CACNA1A: variants seen among roughly 807,000 people sequenced by gnomAD.
The protein encoded by CACNA1A is voltage-dependent P/Q-type calcium channel subunit alpha-1A.
CACNA1A carries 57 observed loss-of-function variants against 262.4 expected under a neutral mutation model. That is an observed-to-expected ratio of 0.22 (90% CI 0.18 to 0.27). CACNA1A has a LOEUF of 0.27. Among genes scored for constraint, CACNA1A ranks in the 10% least tolerant of loss-of-function variants. CACNA1A has a pLI of 1.00. For synonymous variants in CACNA1A, 1,431 were observed against 1,419.3 expected (o/e 1.01, Z -0.18); for missense variants, 2,526 against 3,562.8 (o/e 0.71, Z 7.41).
intron 1 of CACNA1A, among the ~76,000 whole-genome samples, chr19:13,474,779 T>C (rs1012434566): frequency 4.0e-5 from 6 of 149,696 alleles, no homozygotes; most frequent in African/African-American, 1.5e-4. Flanking sequence ...ATCACACCAC[T>C]GCACTCCAGC....
At chr19:13,340,486 G>A (rs1020963108) in intron 6 of CACNA1A, among the ~76,000 whole-genome samples, 10 of 147,564 alleles carry the variant, frequency 6.8e-5, no homozygotes, top group Middle Eastern at 3.6e-3. Flanking sequence ...GAGTGCAATG[G>A]CACTATCTTG....
chr19:13,274,770 C>A (rs1035596779), intron 24 of CACNA1A: 5 of 151,750 alleles, frequency 3.3e-5, no homozygotes, highest in Non-Finnish European at 5.9e-5. Flanking sequence ...TTACCCAGAA[C>A]TAGGGTGCCA....
Position 13,207,100 on chromosome 19 carries a change from G to A in CACNA1A, c.*213C>T. 1 of 435,432 alleles carries A rather than the reference G, an allele frequency of 2.3e-6. No homozygotes were observed. Among genetic ancestry groups the A allele is most frequent in the East Asian group, 4.3e-5 (1 of 23,048 alleles). The allele number at this position is 435,432 out of a possible 1,614,324, so 27.0% of individuals were successfully genotyped here. ...GTGGGGGGATCGGGGCTGGTTGGGG[G>A]GCGCCGTGGCTGCCCAGGAGGGTCT... On this transcript the variant is annotated 3_prime_UTR_variant, in exon 47 of 47. Coordinates refer to ENST00000360228, the MANE Select transcript of CACNA1A (RefSeq NM_001127222.2). This position sits in a 1 kb window ranked among gnomAD's most constrained non-coding sequence, Gnocchi z 5.7.
At chr19:13,307,556 G>T (rs1047024500) in intron 15 of CACNA1A, 3 of 532,002 alleles carry the variant, frequency 5.6e-6, no homozygotes, top group African/African-American at 1.9e-5. Context: ...TTATGGGTGT[G>T]AGCCACCGTG....
In CACNA1A at chr19:13,497,558, ATATATATATATATATAT is replaced by A. The variant is rs1568709947; in HGVS notation, c.293+8357_293+8373del. 6.6e-4 allele frequency among the ~76,000 whole-genome samples: 35 copies of A among 52,976 alleles called. 4 individuals carry two copies. Among genetic ancestry groups the A allele is most frequent in the African/African-American group, 6.8e-4 (9 of 13,178 alleles). 34.8% of individuals were successfully genotyped at this position (52,976 alleles called of 152,430 possible). ...TATATATATATATATATATATATAT[ATATATATATATATATAT>A]ATATAAATTTATGTTGTTAAAGCTG... On this transcript the variant is annotated intron_variant, in intron 1 of 46. Coordinates refer to ENST00000360228, the MANE Select transcript of CACNA1A (RefSeq NM_001127222.2).
At chr19:13,411,346 G>A (rs539191715) in intron 3 of CACNA1A, among the ~76,000 whole-genome samples, 8 of 152,222 alleles carry the variant, frequency 5.3e-5, no homozygotes, top group African/African-American at 1.4e-4. Flanking sequence ...TAATCCCCAC[G>A]TGTCAAGGGC....
chr19:13,298,656 C>T lies in CACNA1A; in HGVS notation c.2977G>A (p.Gly993Ser), dbSNP rs1403218042. The change falls in exon 19 of 47, where the codon GGC (glycine) becomes AGC (serine). Residue 993 changes from glycine (G) to serine (S), a missense_variant. Transcript: ENST00000360228. ...SRPARGGEGE[G>S]EGPDGGERRR... ...CGCTCGCCCCCGTCGGGGCCCTCGC[C>T]CTCGCCCTCGCCGCCCCGGGCCGGC... The T allele has an allele frequency of 6.7e-7, 1 of 1,503,614 alleles. No individual in the cohort carries two copies. The highest frequency in any genetic ancestry group is 8.9e-7 in the Non-Finnish European group (1 of 1,126,970). The allele number at this position is 1,503,614 out of a possible 1,614,324, so 93.1% of individuals were successfully genotyped here. A position where few individuals can be genotyped will look rare whatever the true frequency, so the allele number is the denominator to read the frequency against.
chr19:13,464,746 C>T (rs548790536), intron 1 of CACNA1A, among the ~76,000 whole-genome samples: 1 of 151,418 alleles, frequency 6.6e-6, no homozygotes, highest in Admixed American at 6.6e-5. Context: ...GACGGGGTTT[C>T]ACCGTGTTAG....
At chr19:13,310,342 C>T (rs1392027948) in intron 12 of CACNA1A, among the ~76,000 whole-genome samples, 1 of 148,804 alleles carries the variant, frequency 6.7e-6, no homozygotes, top group African/African-American at 2.5e-5. Context: ...CTAATCCCAG[C>T]TACTTGGGAG....
At chr19:13,248,107 T>C (rs1042702661) in intron 30 of CACNA1A, among the ~76,000 whole-genome samples, 2 of 152,140 alleles carry the variant, frequency 1.3e-5, no homozygotes, top group Non-Finnish European at 2.9e-5. Flanking sequence ...TCTCCCTTAC[T>C]GCCCTGCATC....
At position 13,360,265 on chromosome 19, in the gene CACNA1A, GTATATATA is replaced by G. The variant is rs34849471; in HGVS notation, c.785-474_785-467del. On this transcript the variant is annotated intron_variant, in intron 5 of 46. Transcript: ENST00000360228. The stretch of plus-strand genomic sequence containing the variant: ...ATTAGGTGTCTGTGTGTGTGTGTGT[GTATATATA>G]TATATATATATATGAAGACAGAGGG... 8.5e-3 allele frequency among the ~76,000 whole-genome samples: 1,062 copies of G among 124,218 alleles called. 18 individuals are homozygous for G. The highest frequency in any genetic ancestry group is 0.032 in the African/African-American group (1,012 of 31,850). 81.5% of individuals were successfully genotyped at this position (124,218 alleles called of 152,430 possible). A position where few individuals can be genotyped will look rare whatever the true frequency, so the allele number is the denominator to read the frequency against.
intron 9 of CACNA1A, among the ~76,000 whole-genome samples, chr19:13,332,628 AC>A (rs2058486235): frequency 6.6e-6 from 1 of 152,124 alleles, no homozygotes; most frequent in Non-Finnish European, 1.5e-5. Flanking sequence ...TTTATATCAT[AC>A]CCATTTTGCA....
intron 6 of CACNA1A, among the ~76,000 whole-genome samples, chr19:13,343,274 C>G (rs141466007): frequency 0.013 from 1,963 of 152,068 alleles, 46 homozygotes; most frequent in African/African-American, 0.045. Flanking sequence ...GTGCCCGCCA[C>G]CACACCTAGC....
chr19:13,353,299 G>GTTTTT (rs57554463), intron 6 of CACNA1A, among the ~76,000 whole-genome samples: 1 of 135,082 alleles, frequency 7.4e-6, no homozygotes. Flanking sequence ...TTGTATTTTT[G>GTTTTT]TTTTTTTTTT....
chr19:13,262,440 G>T (rs561306361), intron 25 of CACNA1A: 1 of 292,438 alleles, frequency 3.4e-6, no homozygotes, highest in Non-Finnish European at 6.4e-6. Flanking sequence ...CCCAGATCAC[G>T]GTTATACCCT....
At chr19:13,354,721 T>A (rs1174896558) in intron 6 of CACNA1A, among the ~76,000 whole-genome samples, 2 of 152,192 alleles carry the variant, frequency 1.3e-5, no homozygotes, top group Non-Finnish European at 2.9e-5. Context: ...CAGAATGTGA[T>A]CTTATTTGGA....
At chr19:13,297,041 C>G (rs1165329087) in intron 19 of CACNA1A, among the ~76,000 whole-genome samples, 2 of 152,168 alleles carry the variant, frequency 1.3e-5, no homozygotes, top group African/African-American at 4.8e-5. Flanking sequence ...TTTCAAACTT[C>G]CAAAGAATAG....
intron 17 of CACNA1A, among the ~76,000 whole-genome samples, chr19:13,301,605 G>A (rs935494435): frequency 1.1e-4 from 16 of 152,178 alleles, no homozygotes; most frequent in Admixed American, 1.0e-3. Flanking sequence ...AGAAAAAGAC[G>A]TTTTTGGACT....
At chr19:13,333,151 T>C (rs1263420133) in intron 8 of CACNA1A, among the ~76,000 whole-genome samples, 3 of 152,028 alleles carry the variant, frequency 2.0e-5, no homozygotes, top group Admixed American at 2.0e-4. Flanking sequence ...AAAACCAATG[T>C]CCACACCACA....
Sources: gnomAD v4.1 joint callset for allele counts (sites outside exome capture counted in the v4.1 genomes callset) on GRCh38, gnomAD v4.1.1 for gene constraint, Gnocchi (gnomAD v3.1) non-coding constraint, MANE v1.5 for transcripts, NCBI Gene and HGNC (gene_info 2026-07-23, HGNC 2026-07-21) for gene names.